The following CRACDL variants were observed in gnomAD, a reference collection of about 807,000 sequenced individuals.
The protein encoded by CRACDL is CRACD like.
Under a neutral mutation model 70.6 loss-of-function variants are expected in CRACDL, and 26 were observed. The ratio of observed to expected loss-of-function variants is 0.37; its 90% CI spans 0.27 to 0.51. The LOEUF (loss-of-function observed/expected upper bound fraction) is 0.51, where lower values mean the gene tolerates loss of function less well. CRACDL is among the 20% of genes least tolerant of loss of function. CRACDL has a pLI of 0.94. For synonymous variants in CRACDL, 618 were observed against 615.2 expected, an observed-to-expected ratio of 1.00 and a Z score of -0.07; for missense variants, 1,283 against 1,376.9, an observed-to-expected ratio of 0.93 and a Z score of 1.08.
At chr2:98,871,864 A>C (rs1208679996) in intron 1 of CRACDL, among the ~76,000 whole-genome samples, 3 of 152,214 alleles carry the variant, frequency 2.0e-5, no homozygotes, top group Non-Finnish European at 4.4e-5. Flanking sequence ...ATGGGGGGAA[A>C]ATCAGCTATG....
chr2:98,883,358 C>T (rs1707709169), intron 1 of CRACDL, among the ~76,000 whole-genome samples: 1 of 152,216 alleles, frequency 6.6e-6, no homozygotes, highest in African/African-American at 2.4e-5. Flanking sequence ...CATCCACATG[C>T]CTAGGCACCA....
At chr2:98,808,663 C>G (rs1054574187) in intron 7 of CRACDL, among the ~76,000 whole-genome samples, 2 of 152,194 alleles carry the variant, frequency 1.3e-5, no homozygotes, top group African/African-American at 2.4e-5. Context: ...GTTGCCACCT[C>G]AGACCTCACC....
At chr2:98,900,962 G>C (rs1381204686) in intron 1 of CRACDL, among the ~76,000 whole-genome samples, 1 of 152,210 alleles carries the variant, frequency 6.6e-6, no homozygotes, top group Non-Finnish European at 1.5e-5. Flanking sequence ...GGCAGGTGAA[G>C]GAAGTCAAGC....
At chr2:98,796,731 C>T (rs1703838514) in intron 8 of CRACDL, among the ~76,000 whole-genome samples, 1 of 152,176 alleles carries the variant, frequency 6.6e-6, no homozygotes, top group African/African-American at 2.4e-5. Context: ...CTCTCTTCCC[C>T]ACATGGCTGA....
chr2:98,895,876 A>G (rs140192751), intron 1 of CRACDL, among the ~76,000 whole-genome samples: 4,412 of 152,174 alleles, frequency 0.029, 89 homozygotes, highest in Middle Eastern at 0.065. Flanking sequence ...CTTCATGAAT[A>G]AGATAAAAGA....
intron 8 of CRACDL, among the ~76,000 whole-genome samples, chr2:98,796,843 T>C (rs139738023): frequency 1.9e-4 from 29 of 152,260 alleles, no homozygotes; most frequent in African/African-American, 6.7e-4. Context: ...TGCCTTCAAT[T>C]CAGAGTACAA....
Position 98,822,029 on chromosome 2 carries a change from C to T in CRACDL, c.2244G>A (p.Gly748=), listed in dbSNP as rs750973775. ...TGAGCGGCTCGGGGGGCCGGGCCTT[C>T]CCCTTTCCTTGGTCGCTGGGGGCCC... ...GTRAPSDQGK[G]KARPPEPLSS... Residue 748 remains glycine (G), a synonymous_variant, in exon 7 of 10, where the codon GGG becomes GGA. Coordinates refer to ENST00000397899, the MANE Select transcript of CRACDL (RefSeq NM_207362.3). This position sits in a 1 kb window ranked among gnomAD's most constrained non-coding sequence, Gnocchi z 4.9. 3 of 1,542,978 alleles carry T rather than the reference C, an allele frequency of 1.9e-6. No homozygotes were observed. Among genetic ancestry groups the T allele is most frequent in the Non-Finnish European group, 1.7e-6 (2 of 1,143,606 alleles).
At chr2:98,843,639 A>T (rs1575378277) in intron 2 of CRACDL, among the ~76,000 whole-genome samples, 1 of 152,160 alleles carries the variant, frequency 6.6e-6, no homozygotes, top group East Asian at 1.9e-4. Flanking sequence ...TATCCAATGA[A>T]TTGATTTTGC....
chr2:98,863,008 C>T (rs1706997666), intron 1 of CRACDL, among the ~76,000 whole-genome samples: 2 of 151,696 alleles, frequency 1.3e-5, no homozygotes, highest in African/African-American at 2.4e-5. Flanking sequence ...TTTATACATA[C>T]ACACACATAT....
intron 1 of CRACDL, among the ~76,000 whole-genome samples, chr2:98,850,062 A>T (rs1706419665): frequency 6.6e-6 from 1 of 152,260 alleles, no homozygotes; most frequent in African/African-American, 2.4e-5. Context: ...CTCCCAGAGC[A>T]CACATGCCCG....
chr2:98,903,360 G>A lies in CRACDL; in HGVS notation c.-11+32578C>T, dbSNP rs571685299. On this transcript the variant is annotated intron_variant, in intron 1 of 9. Transcript: ENST00000397899. Reference sequence around the variant, plus strand: ...CCATGATCGGGGGGCTGAGGGACCCGCTGTCTTCAATTTGCCAAAAGCCCA... The same window carrying A: ...CCATGATCGGGGGGCTGAGGGACCCACTGTCTTCAATTTGCCAAAAGCCCA... 3.1e-4 allele frequency among the ~76,000 whole-genome samples: 47 copies of A among 152,006 alleles called. 1 individual carries two copies. The highest frequency in any genetic ancestry group is 5.7e-4 in the Non-Finnish European group (39 of 67,992).
intron 1 of CRACDL, among the ~76,000 whole-genome samples, chr2:98,899,734 T>C (rs748106105): frequency 6.6e-6 from 1 of 152,178 alleles, no homozygotes; most frequent in Non-Finnish European, 1.5e-5. Context: ...TTAAGAAGTA[T>C]GTCTGAGAAG....
At chr2:98,830,715 T>C (rs369893881) in intron 5 of CRACDL, among the ~76,000 whole-genome samples, 93 of 152,154 alleles carry the variant, frequency 6.1e-4, no homozygotes, top group African/African-American at 2.0e-3. Context: ...CAGGAGGTGG[T>C]TGTGCTGTGA....
At chr2:98,857,898 C>T (rs1281136126) in intron 1 of CRACDL, among the ~76,000 whole-genome samples, 2 of 152,052 alleles carry the variant, frequency 1.3e-5, no homozygotes, top group East Asian at 3.8e-4. Context: ...GGAACATTAA[C>T]AATGATACCA....
rs574111482 is a variant in CRACDL at position 98,861,482 on chromosome 2, A to C, written c.-10-14672T>G. Reference sequence around the variant, plus strand: ...GGAGCCTTCATTCATTGCTGGTGGAAATGTAAAATGTAGCAGGTACTTTGG... The same window carrying C: ...GGAGCCTTCATTCATTGCTGGTGGACATGTAAAATGTAGCAGGTACTTTGG... On this transcript the variant is annotated intron_variant, in intron 1 of 9. Transcript: ENST00000397899. Among the ~76,000 whole-genome samples, 26 of 152,306 alleles carry C rather than the reference A, an allele frequency of 1.7e-4. No individual in the cohort carries two copies. In the South Asian group the frequency reaches 5.2e-3, roughly 30 times the overall value.
chr2:98,907,190 G>A (rs951861552), intron 1 of CRACDL, among the ~76,000 whole-genome samples: 9 of 152,210 alleles, frequency 5.9e-5, no homozygotes, highest in African/African-American at 2.2e-4. Flanking sequence ...TACTCAGGAG[G>A]CTGAGGCAGG....
intron 1 of CRACDL, among the ~76,000 whole-genome samples, chr2:98,883,687 C>T (rs1573140069): frequency 6.6e-6 from 1 of 152,198 alleles, no homozygotes; most frequent in East Asian, 1.9e-4. Context: ...AGAGAATAAA[C>T]CCGAGCCCGG....
At chr2:98,880,396 C>T (rs1484699604) in intron 1 of CRACDL, among the ~76,000 whole-genome samples, 1 of 152,216 alleles carries the variant, frequency 6.6e-6, no homozygotes, top group East Asian at 1.9e-4. Flanking sequence ...TATATGCTTA[C>T]TCCTTAAGCA....
intron 5 of CRACDL, among the ~76,000 whole-genome samples, chr2:98,828,473 C>A (rs1226753111): frequency 6.6e-6 from 1 of 152,206 alleles, no homozygotes. Context: ...CAGTGGCGAA[C>A]TCCTAGGGTC....
Sources: allele counts gnomAD v4.1 joint callset (sites outside exome capture counted in the v4.1 genomes callset), GRCh38; gene constraint gnomAD v4.1.1; non-coding constraint Gnocchi (gnomAD v3.1); transcripts MANE v1.5; gene names NCBI Gene and HGNC (gene_info 2026-07-23, HGNC 2026-07-21).